RIPOR2: variants seen among roughly 807,000 people sequenced by gnomAD.
RIPOR2 encodes the protein rho family-interacting cell polarization regulator 2.
A neutral mutation model predicts 114.5 loss-of-function variants in RIPOR2; 39 were observed. The observed-to-expected ratio is 0.34, with a 90% CI of 0.26 to 0.44. The LOEUF (loss-of-function observed/expected upper bound fraction) is 0.44. RIPOR2 is among the 20% of genes least tolerant of loss of function. The pLI is 1.00. For missense variants in RIPOR2, 1,007 were observed against 1,255.1 expected, an observed-to-expected ratio of 0.80 and a Z score of 2.99; for synonymous variants, 445 against 484.4, an observed-to-expected ratio of 0.92 and a Z score of 1.07.
chr6:25,030,870 G>T (rs1776888816), intron 1 of RIPOR2: 1 of 152,028 alleles, frequency 6.6e-6, no homozygotes, highest in African/African-American at 2.4e-5. Flanking sequence ...GGCTAATTTT[G>T]TATTTTTAGT....
chr6:24,868,218 C>G (rs1218230604), intron 6 of RIPOR2, among the ~76,000 whole-genome samples: 1 of 152,162 alleles, frequency 6.6e-6, no homozygotes, highest in Non-Finnish European at 1.5e-5. Flanking sequence ...TTCTTAGGAT[C>G]ATGTAGATCA....
chr6:25,007,077 G>C (rs925471898), intron 1 of RIPOR2, among the ~76,000 whole-genome samples: 3 of 152,134 alleles, frequency 2.0e-5, no homozygotes, highest in Non-Finnish European at 4.4e-5. Context: ...ACTTCACCAA[G>C]TTTCTGCTCT....
chr6:24,986,505 C>T (rs1774534382), intron 1 of RIPOR2, among the ~76,000 whole-genome samples: 1 of 151,898 alleles, frequency 6.6e-6, no homozygotes, highest in African/African-American at 2.4e-5. Context: ...TTATTTGATG[C>T]TAATAAAGAC....
intron 1 of RIPOR2, among the ~76,000 whole-genome samples, chr6:24,955,173 T>A (rs1384598647): frequency 1.3e-5 from 2 of 152,206 alleles, no homozygotes; most frequent in Admixed American, 6.5e-5. Flanking sequence ...TGTCAAAAAA[T>A]TTATCAATTT....
intron 14 of RIPOR2, among the ~76,000 whole-genome samples, chr6:24,838,699 C>A (rs1761335480): frequency 6.6e-6 from 1 of 152,092 alleles, no homozygotes; most frequent in East Asian, 1.9e-4. Context: ...GAAGCTGAGG[C>A]AGGAGAATCG....
chr6:24,903,608 TA>T (rs1246901312), intron 1 of RIPOR2, among the ~76,000 whole-genome samples: 1 of 152,166 alleles, frequency 6.6e-6, no homozygotes, highest in East Asian at 1.9e-4. Flanking sequence ...ATTTATTTTT[TA>T]GTTTTTATGG....
intron 1 of RIPOR2, among the ~76,000 whole-genome samples, chr6:25,018,528 T>G (rs1461984839): frequency 6.6e-6 from 1 of 152,160 alleles, no homozygotes. Flanking sequence ...ATTATACCCC[T>G]CACCCCTTCC....
chr6:24,898,518 T>A (rs1768099815), intron 1 of RIPOR2: 1 of 152,222 alleles, frequency 6.6e-6, no homozygotes, highest in Non-Finnish European at 1.5e-5. Flanking sequence ...TCTTCCTTTT[T>A]CTCTTTGTGA....
At chr6:24,972,651 T>C (rs1773837464) in intron 1 of RIPOR2, among the ~76,000 whole-genome samples, 1 of 152,086 alleles carries the variant, frequency 6.6e-6, no homozygotes, top group Non-Finnish European at 1.5e-5. Context: ...TTCAGAGAGG[T>C]AGATTTAAGC....
chr6:24,806,367 CT>C lies in RIPOR2; in HGVS notation c.*5del. The C allele has an allele frequency of 6.5e-7, 1 of 1,535,232 alleles. No individual in the cohort carries two copies. The highest frequency in any genetic ancestry group is 8.8e-7 in the Non-Finnish European group (1 of 1,132,132). Reference sequence around the variant, plus strand: ...TTAAGACAGCTGTTAGGCAGTTAACCTGTAATTAAAAGGCTGTGGCAACTTC... The same window carrying C: ...TTAAGACAGCTGTTAGGCAGTTAACCGTAATTAAAAGGCTGTGGCAACTTC... On this transcript the variant is annotated 3_prime_UTR_variant, in exon 22 of 22. Coordinates refer to ENST00000643898, the MANE Select transcript of RIPOR2 (RefSeq NM_001286445.3).
upstream of RIPOR2, chr6:24,935,965 A>C (rs1054965372): frequency 9.1e-6 from 11 of 1,208,644 alleles, no homozygotes; most frequent in South Asian, 1.4e-4. Flanking sequence ...CACACTGCCG[A>C]CCGAGGTGAT....
chr6:24,984,646 T>C (rs1232299715), intron 1 of RIPOR2, among the ~76,000 whole-genome samples: 2 of 15,470 alleles, frequency 1.3e-4, no homozygotes, highest in East Asian at 2.8e-3. Flanking sequence ...TGAGACCCCG[T>C]CTCTCAAAAA....
chr6:24,940,699 G>A (rs1475389741), upstream of RIPOR2, among the ~76,000 whole-genome samples: 2 of 151,902 alleles, frequency 1.3e-5, no homozygotes, highest in African/African-American at 2.4e-5. Flanking sequence ...AGGCTGGCGT[G>A]CAGTGGCTCG....
intron 1 of RIPOR2, among the ~76,000 whole-genome samples, chr6:24,892,778 C>T (rs180866510): frequency 2.0e-4 from 30 of 152,134 alleles, no homozygotes; most frequent in African/African-American, 6.3e-4. Flanking sequence ...CAAGAAGAGA[C>T]GCAGGAGACA....
In RIPOR2 at chr6:24,817,680, C is replaced by T. The variant is rs1317492033; in HGVS notation, c.2952+862G>A. Among the ~76,000 whole-genome samples the T allele has an allele frequency of 4.2e-4, 6 of 14,388 alleles. 2 individuals carry two copies. Among genetic ancestry groups the T allele is most frequent in the African/African-American group, 5.2e-4 (6 of 11,432 alleles). 9.4% of individuals were successfully genotyped at this position (14,388 alleles called of 152,430 possible). A position where few individuals can be genotyped will look rare whatever the true frequency, so the allele number is the denominator to read the frequency against. On this transcript the variant is annotated intron_variant, in intron 20 of 21. Coordinates refer to ENST00000643898, the MANE Select transcript of RIPOR2 (RefSeq NM_001286445.3). ...CTGGGAGCTGTAGACCGGAGCTGTT[C>T]CTATTCGGCCATCTTGGCTCCTCCT...
At chr6:24,819,297 AG>A (rs1759454003) in intron 19 of RIPOR2, among the ~76,000 whole-genome samples, 1 of 152,278 alleles carries the variant, frequency 6.6e-6, no homozygotes. Context: ...ACGGAGTGCC[AG>A]GGTAAGTTTC....
At chr6:25,001,474 A>C (rs1172783229) in intron 1 of RIPOR2, among the ~76,000 whole-genome samples, 1 of 151,728 alleles carries the variant, frequency 6.6e-6, no homozygotes, top group Non-Finnish European at 1.5e-5. Flanking sequence ...AATACAAAAA[A>C]ATTAGCTGGG....
chr6:24,903,451 A>G (rs1768672376), intron 1 of RIPOR2, among the ~76,000 whole-genome samples: 1 of 152,186 alleles, frequency 6.6e-6, no homozygotes. Flanking sequence ...TTTGGAAAAT[A>G]TAATCTGCCA....
intron 1 of RIPOR2, among the ~76,000 whole-genome samples, chr6:24,974,646 C>A (rs1001312801): frequency 2.6e-5 from 4 of 152,096 alleles, no homozygotes; most frequent in Non-Finnish European, 5.9e-5. Flanking sequence ...AATTCCATTC[C>A]CAGTTATATA....
Sources: allele counts gnomAD v4.1 joint callset (sites outside exome capture counted in the v4.1 genomes callset), GRCh38; gene constraint gnomAD v4.1.1; transcripts MANE v1.5; gene names NCBI Gene and HGNC (gene_info 2026-07-23, HGNC 2026-07-21).